Variants in SPTSSB observed in about 807,000 individuals in gnomAD.
SPTSSB encodes androgen down regulated in mouse prostate.
A neutral mutation model predicts 7.7 loss-of-function variants in SPTSSB; 6 were observed. That is an observed-to-expected ratio of 0.78 (90% CI 0.43 to 1.54). SPTSSB has a LOEUF of 1.54. Among genes scored for constraint, SPTSSB ranks in the 40% most tolerant of loss-of-function variants. The pLI is 0.01. For missense variants in SPTSSB, 91 were observed against 93.0 expected (o/e 0.98, Z 0.09); for synonymous variants, 28 against 29.7 (o/e 0.94, Z 0.19).
intron 1 of SPTSSB, among the ~76,000 whole-genome samples, chr3:161,363,887 G>A (rs1715112289): frequency 6.6e-6 from 1 of 151,640 alleles, no homozygotes. Flanking sequence ...GCTTAACATT[G>A]TTTTAGGCAC....
At chr3:161,354,781 G>A (rs1329401816) in intron 2 of SPTSSB, among the ~76,000 whole-genome samples, 1 of 152,164 alleles carries the variant, frequency 6.6e-6, no homozygotes, top group Admixed American at 6.5e-5. Context: ...GCAATTTCAA[G>A]GCAGTCCTAT....
intron 2 of SPTSSB, among the ~76,000 whole-genome samples, chr3:161,354,975 G>C (rs336568): frequency 0.56 from 84,686 of 152,084 alleles, 24,553 homozygotes; most frequent in East Asian, 0.88. Flanking sequence ...AGAAAATAAA[G>C]AGTGCCACAT....
At chr3:161,350,587 G>A (rs1036166152) in intron 2 of SPTSSB, among the ~76,000 whole-genome samples, 7 of 152,100 alleles carry the variant, frequency 4.6e-5, no homozygotes, top group South Asian at 4.1e-4. Flanking sequence ...TGTCCTGCCA[G>A]TTGCAGAGAG....
rs1262425646 is a variant in SPTSSB at position 161,371,466 on chromosome 3, G to A, written c.-157C>T. ...GTTGGGTGTATCTCCCTGCGGCTTA[G>A]GTGAGCGCCGAGGCTTTGGCTCCTC... On this transcript the variant is annotated 5_prime_UTR_variant, in exon 1 of 3. Transcript: ENST00000620149. 6 of 985,390 alleles carry A rather than the reference G, an allele frequency of 6.1e-6. No homozygotes were observed. Among genetic ancestry groups the A allele is most frequent in the Non-Finnish European group, 7.2e-6 (6 of 830,002 alleles). 61.0% of individuals were successfully genotyped at this position (985,390 alleles called of 1,614,324 possible). A position where few individuals can be genotyped will look rare whatever the true frequency, so the allele number is the denominator to read the frequency against.
At chr3:161,367,883 T>C (rs564350053) in intron 1 of SPTSSB, among the ~76,000 whole-genome samples, 25 of 152,320 alleles carry the variant, frequency 1.6e-4, no homozygotes, top group African/African-American at 5.3e-4. Flanking sequence ...ACCGCTGGCC[T>C]GAATCACTGA....
chr3:161,346,124 A>G lies in SPTSSB; in HGVS notation c.200T>C (p.Ile67Thr). The G allele has an allele frequency of 6.2e-7, 1 of 1,602,676 alleles. No homozygotes were observed. ...IRLAWEFFSK[I>T]CGYHSTISN ...AGAAATTGTACTGTGATATCCACAT[A>G]TTTTTGAGAAAAATTCCCAAGCCAG... The change falls in exon 3 of 3, where the codon ATA (isoleucine) becomes ACA (threonine). Residue 67 changes from isoleucine (I) to threonine (T), a missense_variant. Ile to Thr is a moderately conservative substitution (Grantham distance 89, BLOSUM62 -1). Transcript: ENST00000620149.
At chr3:161,353,960 C>A (rs1714656512) in intron 2 of SPTSSB, among the ~76,000 whole-genome samples, 1 of 151,934 alleles carries the variant, frequency 6.6e-6, no homozygotes, top group African/African-American at 2.4e-5. Flanking sequence ...AGAAGTCAGA[C>A]CAGAGGTGAA....
At chr3:161,348,689 G>A (rs559156920) in intron 2 of SPTSSB, among the ~76,000 whole-genome samples, 1 of 152,178 alleles carries the variant, frequency 6.6e-6, no homozygotes, top group Non-Finnish European at 1.5e-5. Context: ...AAGCAGTTAA[G>A]ATTAAAAAAA....
At chr3:161,370,480 A>G (rs1715460884) in intron 1 of SPTSSB, among the ~76,000 whole-genome samples, 1 of 152,210 alleles carries the variant, frequency 6.6e-6, no homozygotes, top group South Asian at 2.1e-4. Flanking sequence ...CAGCATAGGA[A>G]TAATTCAGAT....
At chr3:161,354,374 G>C (rs886500597) in intron 2 of SPTSSB, among the ~76,000 whole-genome samples, 1 of 152,148 alleles carries the variant, frequency 6.6e-6, no homozygotes, top group Non-Finnish European at 1.5e-5. Flanking sequence ...ACAAGGTCTC[G>C]CTCTGTCACT....
At chr3:161,362,321 TTAAG>T (rs1029141885) in intron 1 of SPTSSB, among the ~76,000 whole-genome samples, 3 of 152,114 alleles carry the variant, frequency 2.0e-5, no homozygotes, top group Non-Finnish European at 4.4e-5. Context: ...CTGCCAAATA[TTAAG>T]TAAGAATCTT....
At position 161,362,537 on chromosome 3, in the gene SPTSSB, T is replaced by G. The variant is rs1005529890; in HGVS notation, c.-125-2643A>C. ...CTCATTCCCCACCAAATATAAGAATTTATTTTTTTGATTCTATAAACAAGA... is the reference window on the plus strand; with the variant it reads ...CTCATTCCCCACCAAATATAAGAATGTATTTTTTTGATTCTATAAACAAGA... On this transcript the variant is annotated intron_variant, in intron 1 of 2. Transcript: ENST00000620149. Among the ~76,000 whole-genome samples, 3 of 152,152 alleles carry G rather than the reference T, an allele frequency of 2.0e-5. 1 individual carries two copies. In the South Asian group the frequency reaches 6.2e-4, roughly 31 times the overall value.
Position 161,344,993 on chromosome 3 carries a change from T to A in SPTSSB, c.*1100A>T, listed in dbSNP as rs1173967655. On this transcript the variant is annotated 3_prime_UTR_variant, in exon 3 of 3. Transcript: ENST00000620149. ...AGGGTGCAAATATTGTCCAAACCTATTTACATTTTTACCCTCTAGAATTAC... is the reference window on the plus strand; with the variant it reads ...AGGGTGCAAATATTGTCCAAACCTAATTACATTTTTACCCTCTAGAATTAC... 6.6e-6 allele frequency: 1 copy of A among 152,598 alleles called. No homozygotes were observed. The highest frequency in any genetic ancestry group is 1.5e-5 in the Non-Finnish European group (1 of 68,028). The allele number at this position is 152,598 out of a possible 1,614,324, so 9.5% of individuals were successfully genotyped here.
At position 161,353,600 on chromosome 3, in the gene SPTSSB, C is replaced by T. The variant is rs137916797; in HGVS notation, c.-33+6202G>A. 4.4e-3 allele frequency among the ~76,000 whole-genome samples: 670 copies of T among 151,970 alleles called. 4 individuals are homozygous for T. Among genetic ancestry groups the T allele is most frequent in the African/African-American group, 0.015 (642 of 41,444 alleles). Reference sequence around the variant, plus strand: ...ATGTGATTGTTCTTGTCTCGGGGGCCTAATCACAAGCTGCATCTTCATGTG... The same window carrying T: ...ATGTGATTGTTCTTGTCTCGGGGGCTTAATCACAAGCTGCATCTTCATGTG... On this transcript the variant is annotated intron_variant, in intron 2 of 2. Transcript: ENST00000620149.
chr3:161,365,008 T>A (rs1576902421), intron 1 of SPTSSB, among the ~76,000 whole-genome samples: 1 of 152,200 alleles, frequency 6.6e-6, no homozygotes, highest in Non-Finnish European at 1.5e-5. Flanking sequence ...GAATTACTAA[T>A]TGACAACCTT....
At chr3:161,358,259 G>A (rs762598751) in intron 2 of SPTSSB, among the ~76,000 whole-genome samples, 1 of 152,066 alleles carries the variant, frequency 6.6e-6, no homozygotes, top group Non-Finnish European at 1.5e-5. Context: ...TAAAGATAAG[G>A]AAACTGAGGC....
At chr3:161,354,025 G>A (rs1714660278) in intron 2 of SPTSSB, among the ~76,000 whole-genome samples, 2 of 152,102 alleles carry the variant, frequency 1.3e-5, no homozygotes, top group African/African-American at 4.8e-5. Context: ...AAAAGTTTAT[G>A]ATGAATCAAA....
At chr3:161,350,266 A>G (rs1714464380) in intron 2 of SPTSSB, among the ~76,000 whole-genome samples, 1 of 152,192 alleles carries the variant, frequency 6.6e-6, no homozygotes, top group Non-Finnish European at 1.5e-5. Flanking sequence ...CCTTGGAAAT[A>G]TTGCAGAAGA....
chr3:161,357,584 A>G (rs904078775), intron 2 of SPTSSB, among the ~76,000 whole-genome samples: 1 of 152,236 alleles, frequency 6.6e-6, no homozygotes, highest in Non-Finnish European at 1.5e-5. Context: ...CCCAAAACCT[A>G]TGTTCATGTC....
Sources: allele counts gnomAD v4.1 joint callset (sites outside exome capture counted in the v4.1 genomes callset), GRCh38; gene constraint gnomAD v4.1.1; transcripts MANE v1.5; gene names NCBI Gene and HGNC (gene_info 2026-07-23, HGNC 2026-07-21).